Variants in MDGA2 observed in about 807,000 individuals in gnomAD.
MDGA2 encodes the protein MAM domain containing glycosylphosphatidylinositol anchor 2.
Under a neutral mutation model 117.8 loss-of-function variants are expected in MDGA2, and 40 were observed. The observed-to-expected ratio is 0.34, with a 90% CI of 0.26 to 0.44. The LOEUF (loss-of-function observed/expected upper bound fraction) is 0.44, where lower values mean the gene tolerates loss of function less well. MDGA2 is among the 20% of genes least tolerant of loss of function. MDGA2 has a pLI of 1.00. For missense variants in MDGA2, 1,123 were observed against 1,250.6 expected (o/e 0.90, Z 1.54); for synonymous variants, 452 against 439.0 (o/e 1.03, Z -0.37).
At chr14:47,539,270 T>C (rs980333872) in intron 1 of MDGA2, among the ~76,000 whole-genome samples, 6 of 152,186 alleles carry the variant, frequency 3.9e-5, no homozygotes, top group Non-Finnish European at 8.8e-5. Flanking sequence ...TGCCACCGGA[T>C]GTTCCCATGC....
intron 6 of MDGA2, among the ~76,000 whole-genome samples, chr14:47,084,413 T>A (rs1890818635): frequency 6.6e-6 from 1 of 151,552 alleles, no homozygotes; most frequent in African/African-American, 2.4e-5. Context: ...AAATTTGCAC[T>A]GCTAAATGCC....
intron 6 of MDGA2, among the ~76,000 whole-genome samples, chr14:47,093,045 G>C (rs909079974): frequency 2.0e-5 from 3 of 152,038 alleles, no homozygotes; most frequent in African/African-American, 7.2e-5. Context: ...CTCACTCTGA[G>C]CTACGGTGGT....
At chr14:47,084,566 T>C (rs905120609) in intron 6 of MDGA2, among the ~76,000 whole-genome samples, 1 of 151,960 alleles carries the variant, frequency 6.6e-6, no homozygotes, top group Non-Finnish European at 1.5e-5. Flanking sequence ...TGTTATGGAC[T>C]GAATGCATGT....
At chr14:47,221,531 A>G (rs1430424920) in intron 2 of MDGA2, among the ~76,000 whole-genome samples, 1 of 152,088 alleles carries the variant, frequency 6.6e-6, no homozygotes. Flanking sequence ...TACTAAAAAT[A>G]CAAAAAATTA....
chr14:47,051,163 C>G (rs1322749710), intron 7 of MDGA2, among the ~76,000 whole-genome samples: 1 of 151,868 alleles, frequency 6.6e-6, no homozygotes, highest in African/African-American at 2.4e-5. Flanking sequence ...TCTGAGATTT[C>G]AAGGTCAAGT....
rs1261713682 is a variant in MDGA2 at position 47,287,403 on chromosome 14, T to C, written c.420+14008A>G. ...GTCATATTTATCATGTTCCACTTAT[T>C]AATATTTTATCAACAAATAGTTGAA... is the stretch of plus-strand genomic sequence containing the variant. On this transcript the variant is annotated intron_variant, in intron 2 of 16. Coordinates refer to ENST00000399232, the MANE Select transcript of MDGA2 (RefSeq NM_001113498.3). Among the ~76,000 whole-genome samples the C allele has an allele frequency of 3.9e-5, 6 of 152,320 alleles. No homozygotes were observed. The East Asian group carries it at 5.8e-4, about 15-fold the overall frequency.
intron 1 of MDGA2, among the ~76,000 whole-genome samples, chr14:47,583,050 C>T (rs1208743539): frequency 6.6e-6 from 1 of 151,818 alleles, no homozygotes; most frequent in Non-Finnish European, 1.5e-5. Context: ...GATTTTGATT[C>T]ATAACTCATT....
At chr14:46,913,403 C>T (rs1355693246) in intron 10 of MDGA2, among the ~76,000 whole-genome samples, 1 of 152,088 alleles carries the variant, frequency 6.6e-6, no homozygotes, top group Non-Finnish European at 1.5e-5. Context: ...ATGGTTCCTC[C>T]AAACAGTTCT....
At chr14:47,441,588 A>G (rs1029763689) in intron 1 of MDGA2, among the ~76,000 whole-genome samples, 2 of 152,198 alleles carry the variant, frequency 1.3e-5, no homozygotes, top group Non-Finnish European at 2.9e-5. Context: ...TTAAGCATCA[A>G]TAAGTACAAG....
At chr14:46,977,685 T>C (rs770805299) in intron 8 of MDGA2, among the ~76,000 whole-genome samples, 68 of 152,086 alleles carry the variant, frequency 4.5e-4, no homozygotes, top group Middle Eastern at 3.4e-3. Flanking sequence ...AAATGCAATA[T>C]AAATTGATCA....
intron 9 of MDGA2, among the ~76,000 whole-genome samples, chr14:46,925,789 T>TGTCTG (rs1190784205): frequency 6.6e-6 from 1 of 152,130 alleles, no homozygotes; most frequent in Non-Finnish European, 1.5e-5. Flanking sequence ...ACAAGAGGAA[T>TGTCTG]GTCTGGCATT....
At chr14:47,291,635 G>GT (rs1354625920) in intron 2 of MDGA2, among the ~76,000 whole-genome samples, 1 of 152,190 alleles carries the variant, frequency 6.6e-6, no homozygotes, top group African/African-American at 2.4e-5. Context: ...ACAGTACGCT[G>GT]TAGATTATCA....
At chr14:47,428,544 C>T (rs1184887589) in intron 1 of MDGA2, among the ~76,000 whole-genome samples, 1 of 152,070 alleles carries the variant, frequency 6.6e-6, no homozygotes, top group African/African-American at 2.4e-5. Flanking sequence ...AAAATATTAA[C>T]TTTCAATCAT....
At chr14:47,380,755 G>C (rs959642553) in intron 1 of MDGA2, among the ~76,000 whole-genome samples, 1 of 151,892 alleles carries the variant, frequency 6.6e-6, no homozygotes, top group Non-Finnish European at 1.5e-5. Context: ...GGACCAGATG[G>C]ATTCACAGCC....
chr14:46,874,220 A>AATTT lies in MDGA2; in HGVS notation c.2438-21_2438-20insAAAT. 1 of 1,240,592 alleles carries AATTT rather than the reference A, an allele frequency of 8.1e-7. No individual in the cohort carries two copies. The highest frequency in any genetic ancestry group is 1.1e-6 in the Non-Finnish European group (1 of 936,018). 76.8% of individuals were successfully genotyped at this position (1,240,592 alleles called of 1,614,324 possible). A position where few individuals can be genotyped will look rare whatever the true frequency, so the allele number is the denominator to read the frequency against. The stretch of plus-strand genomic sequence containing the variant: ...ATTCTCCTGTTGGTAAATTTTAATT[A>AATTT]AATTAATATTAATTAAATTAATACA... On this transcript the variant is annotated intron_variant, in intron 12 of 16. Transcript: ENST00000399232.
chr14:47,066,253 T>C (rs1231597804), intron 6 of MDGA2, among the ~76,000 whole-genome samples: 1 of 152,178 alleles, frequency 6.6e-6, no homozygotes, highest in Non-Finnish European at 1.5e-5. Flanking sequence ...GGTGCATTGT[T>C]AAAGTTGGTA....
intron 3 of MDGA2, among the ~76,000 whole-genome samples, chr14:47,210,092 A>G (rs549832100): frequency 6.6e-6 from 1 of 152,176 alleles, no homozygotes. Context: ...ATTCTTTCTA[A>G]CACAGGTAAA....
chr14:47,551,655 A>G lies in MDGA2; in HGVS notation c.280+122862T>C, dbSNP rs74764491. Among the ~76,000 whole-genome samples the G allele has an allele frequency of 3.3e-3, 508 of 152,326 alleles. 3 individuals carry two copies. The highest frequency in any genetic ancestry group is 0.012 in the African/African-American group (487 of 41,566). On this transcript the variant is annotated intron_variant, in intron 1 of 16. Coordinates refer to ENST00000399232, the MANE Select transcript of MDGA2 (RefSeq NM_001113498.3). ...CATCTCCCAAGAATTCACACAAAATAAAAAGCAATAGAAATATTAATAGAT... is the reference window on the plus strand; with the variant it reads ...CATCTCCCAAGAATTCACACAAAATGAAAAGCAATAGAAATATTAATAGAT...
At chr14:47,058,221 C>T (rs929171344) in intron 7 of MDGA2, among the ~76,000 whole-genome samples, 1 of 151,804 alleles carries the variant, frequency 6.6e-6, no homozygotes, top group African/African-American at 2.4e-5. Context: ...AATTGAGATT[C>T]GATGTAAGAT....
Sources: gnomAD v4.1 joint callset for allele counts (sites outside exome capture counted in the v4.1 genomes callset) on GRCh38, gnomAD v4.1.1 for gene constraint, MANE v1.5 for transcripts, NCBI Gene and HGNC (gene_info 2026-07-23, HGNC 2026-07-21) for gene names.